The following CDH6 variants were observed in gnomAD, a reference collection of about 807,000 sequenced individuals.
CDH6 encodes cadherin-6.
In CDH6, 31 loss-of-function variants were observed where a neutral mutation model predicts 78.0. The observed-to-expected ratio is 0.40, with a 90% confidence interval of 0.30 to 0.54. The LOEUF is 0.54. Ranked by LOEUF, CDH6 falls within the 20% of genes least tolerant of loss-of-function variation. The pLI is 0.56. For missense variants in CDH6, 724 were observed against 975.9 expected, an observed-to-expected ratio of 0.74 and a Z score of 3.44; for synonymous variants, 376 against 368.8, an observed-to-expected ratio of 1.02 and a Z score of -0.23.
rs534776649 is a variant in CDH6 at position 31,328,106 on chromosome 5, G to A, written c.*4798G>A. ...CCCGCTGTATTTCAGACAGGACTGA[G>A]GCACTTAGCCGAGGAGCCACTGGGT... On this transcript the variant is annotated 3_prime_UTR_variant, in exon 12 of 12. Coordinates refer to ENST00000265071, the MANE Select transcript of CDH6 (RefSeq NM_004932.4). The A allele has an allele frequency of 7.9e-5, 17 of 214,958 alleles. No homozygotes were observed. Among genetic ancestry groups the A allele is most frequent in the African/African-American group, 3.9e-4 (17 of 44,152 alleles). 13.3% of individuals were successfully genotyped at this position (214,958 alleles called of 1,614,324 possible).
intron 1 of CDH6, among the ~76,000 whole-genome samples, chr5:31,232,362 T>C (rs1477817983): frequency 6.6e-6 from 1 of 152,186 alleles, no homozygotes; most frequent in East Asian, 1.9e-4. Context: ...ATTCTGGACG[T>C]TTTAAATTTT....
chr5:31,259,268 A>G (rs983426892), intron 1 of CDH6, among the ~76,000 whole-genome samples: 5 of 152,244 alleles, frequency 3.3e-5, no homozygotes, highest in African/African-American at 7.2e-5. Context: ...AAAATCATCT[A>G]TGATATGCCA....
rs1490050074 is a variant in CDH6, at chr5:31,302,747, GAAGGAGAA to G, written c.999+451_999+458del. ...AAGAAGAAAGAAGGAAGGAAGGAAG[GAAGGAGAA>G]AGAAAGAAAGAAAGAAAGAAGAAAG... On this transcript the variant is annotated intron_variant, in intron 6 of 11. Coordinates refer to ENST00000265071, the MANE Select transcript of CDH6 (RefSeq NM_004932.4). 1.9e-3 allele frequency among the ~76,000 whole-genome samples: 127 copies of G among 67,752 alleles called. 3 individuals are homozygous for G. The highest frequency in any genetic ancestry group is 6.8e-3 in the Middle Eastern group (1 of 148). The allele number at this position is 67,752 out of a possible 152,430, so 44.4% of individuals were successfully genotyped here.
At chr5:31,280,397 T>C (rs1225351584) in intron 2 of CDH6, among the ~76,000 whole-genome samples, 1 of 152,180 alleles carries the variant, frequency 6.6e-6, no homozygotes, top group Admixed American at 6.5e-5. Context: ...GGGATCCACA[T>C]AACCACTCTC....
rs79082528 is a variant in CDH6 at position 31,220,656 on chromosome 5, C to T, written c.-129+26770C>T. 5.6e-3 allele frequency among the ~76,000 whole-genome samples: 851 copies of T among 152,204 alleles called. 10 individuals carry two copies. Among genetic ancestry groups the T allele is most frequent in the African/African-American group, 0.019 (781 of 41,526 alleles). ...ACATATGTACATAAAAACTATAATGCGTGCTATGAAGAAGGTGGACCTGGA... is the reference window on the plus strand; with the variant it reads ...ACATATGTACATAAAAACTATAATGTGTGCTATGAAGAAGGTGGACCTGGA... On this transcript the variant is annotated intron_variant, in intron 1 of 11. Coordinates refer to ENST00000265071, the MANE Select transcript of CDH6 (RefSeq NM_004932.4).
intron 2 of CDH6, among the ~76,000 whole-genome samples, chr5:31,288,957 G>A (rs1457931347): frequency 6.6e-6 from 1 of 152,024 alleles, no homozygotes; most frequent in Non-Finnish European, 1.5e-5. Flanking sequence ...TGTTTTTGTT[G>A]GGGGGAGAGG....
At chr5:31,218,562 A>T (rs1740927736) in intron 1 of CDH6, among the ~76,000 whole-genome samples, 1 of 152,130 alleles carries the variant, frequency 6.6e-6, no homozygotes, top group Non-Finnish European at 1.5e-5. Context: ...GCCCAGGGTA[A>T]GCTCTGGGTT....
At chr5:31,212,673 C>T (rs10940941) in intron 1 of CDH6, among the ~76,000 whole-genome samples, 9,455 of 152,006 alleles carry the variant, frequency 0.062, 612 homozygotes, top group East Asian at 0.37. Flanking sequence ...ACCTGTTTGC[C>T]GGCCTGCCCT....
intron 11 of CDH6, among the ~76,000 whole-genome samples, chr5:31,322,131 A>G (rs1738490801): frequency 6.6e-6 from 1 of 152,230 alleles, no homozygotes; most frequent in Admixed American, 6.5e-5. Context: ...TATTTATTTC[A>G]TTTAGCTCAA....
chr5:31,194,097 G>C (rs1201204659), intron 1 of CDH6, among the ~76,000 whole-genome samples: 4 of 152,156 alleles, frequency 2.6e-5, no homozygotes, highest in Admixed American at 2.6e-4. Flanking sequence ...GCTCAGGACC[G>C]ACGCCGCTTC....
At chr5:31,302,903 A>AAAAGAAAGAG (rs1737842988) in intron 6 of CDH6, among the ~76,000 whole-genome samples, 1 of 90,424 alleles carries the variant, frequency 1.1e-5, no homozygotes, top group African/African-American at 3.8e-5. Context: ...AAGAAAGAAA[A>AAAAGAAAGAG]AAAGAAAGAA....
chr5:31,225,591 G>A (rs2111840452), intron 1 of CDH6, among the ~76,000 whole-genome samples: 1 of 152,226 alleles, frequency 6.6e-6, no homozygotes, highest in Middle Eastern at 3.4e-3. Context: ...GGAGCAGGAG[G>A]AAGAGAGAGA....
At chr5:31,212,652 G>GTAT (rs1435294338) in intron 1 of CDH6, among the ~76,000 whole-genome samples, 1 of 152,096 alleles carries the variant, frequency 6.6e-6, no homozygotes, top group East Asian at 1.9e-4. Flanking sequence ...TGGCCTGAGG[G>GTAT]TATTACTCTA....
chr5:31,285,195 C>G (rs1018767152), intron 2 of CDH6, among the ~76,000 whole-genome samples: 1 of 152,142 alleles, frequency 6.6e-6, no homozygotes, highest in African/African-American at 2.4e-5. Context: ...TCTATTTTTG[C>G]TGACTTTATG....
chr5:31,241,458 C>A (rs1741599287), intron 1 of CDH6, among the ~76,000 whole-genome samples: 1 of 152,240 alleles, frequency 6.6e-6, no homozygotes. Flanking sequence ...TGCCATTGAC[C>A]CAAGGGGTTA....
chr5:31,257,363 CCGTGTTAGCCGGGATGGT>C (rs540599674), intron 1 of CDH6, among the ~76,000 whole-genome samples: 205 of 152,278 alleles, frequency 1.3e-3, no homozygotes, highest in African/African-American at 4.6e-3. Context: ...TGGGGTTTCA[CCGTGTTAGCCGGGATGGT>C]CCCGATCTCC....
intron 1 of CDH6, among the ~76,000 whole-genome samples, chr5:31,254,680 T>C (rs1196022318): frequency 1.3e-5 from 2 of 152,228 alleles, no homozygotes; most frequent in African/African-American, 4.8e-5. Flanking sequence ...AAAATAATTT[T>C]CTTAATAATG....
At chr5:31,281,975 G>A (rs950260851) in intron 2 of CDH6, among the ~76,000 whole-genome samples, 4 of 152,108 alleles carry the variant, frequency 2.6e-5, no homozygotes, top group African/African-American at 9.7e-5. Flanking sequence ...GAGAATTAAT[G>A]CATGCAACAC....
intron 1 of CDH6, among the ~76,000 whole-genome samples, chr5:31,246,150 T>A (rs1451439479): frequency 2.0e-5 from 3 of 152,100 alleles, no homozygotes; most frequent in African/African-American, 7.2e-5. Flanking sequence ...GACCTCATGA[T>A]CCACCCACTT....
Sources: gnomAD v4.1 joint callset for allele counts (sites outside exome capture counted in the v4.1 genomes callset) on GRCh38, gnomAD v4.1.1 for gene constraint, MANE v1.5 for transcripts, NCBI Gene and HGNC (gene_info 2026-07-23, HGNC 2026-07-21) for gene names.